The following TNPO1 variants were observed in gnomAD, a reference collection of about 807,000 sequenced individuals.
TNPO1 encodes transportin-1.
TNPO1 carries 8 observed loss-of-function variants against 119.5 expected under a neutral mutation model. The observed-to-expected ratio is 0.07, with a 90% confidence interval of 0.04 to 0.12. The LOEUF is 0.12. Among genes scored for constraint, TNPO1 ranks in the 10% least tolerant of loss-of-function variants. The probability of loss-of-function intolerance (pLI) is 1.00; values close to 1 mark genes in which losing one functional copy is unlikely to be tolerated. For missense variants in TNPO1, 576 were observed against 1,089.8 expected, an observed-to-expected ratio of 0.53 and a Z score of 6.64; for synonymous variants, 362 against 363.0, an observed-to-expected ratio of 1.00 and a Z score of 0.03.
Position 72,893,250 on chromosome 5 carries a change from A to AT in TNPO1, c.1896+11dup. The stretch of plus-strand genomic sequence containing the variant: ...GAAGACTCTTGCACAAGCCATGGTA[A>AT]TTTTTTTAAAATGTCTTCCTCTTCT... On this transcript the variant is annotated splice_donor_region_variant and intron_variant, in intron 16 of 24. Coordinates refer to ENST00000337273, the MANE Select transcript of TNPO1 (RefSeq NM_002270.4). 5 of 1,611,968 alleles carry AT rather than the reference A, an allele frequency of 3.1e-6. No homozygotes were observed. Among genetic ancestry groups the AT allele is most frequent in the African/African-American group, 1.3e-5 (1 of 74,812 alleles).
chr5:72,816,864 C>A, intron 1 of TNPO1, 112 bp downstream of exon 1: 1 of 1,335,440 alleles, frequency 7.5e-7, no homozygotes, highest in Non-Finnish European at 1.0e-6. Context: ...CCCGCTCTCT[C>A]GGCGCCTGCC....
chr5:72,903,683 TA>T, intron 22 of TNPO1, 25 bp from the exon 23 acceptor site: 1 of 1,518,584 alleles, frequency 6.6e-7, no homozygotes, highest in Non-Finnish European at 9.1e-7. Context: ...AATATCAACC[TA>T]AGATGTATTT....
chr5:72,901,086 C>A lies in TNPO1; in HGVS notation c.2514+13C>A. The A allele has an allele frequency of 6.4e-7, 1 of 1,557,032 alleles. No homozygotes were observed. The highest frequency in any genetic ancestry group is 8.7e-7 in the Non-Finnish European group (1 of 1,145,114). Reference sequence around the variant, plus strand: ...TGGCGTAATCCAAGTAAGATGTTCACAAAGATTTGTTTTTAATGTCTAATT... The same window carrying A: ...TGGCGTAATCCAAGTAAGATGTTCAAAAAGATTTGTTTTTAATGTCTAATT... On this transcript the variant is annotated intron_variant, in intron 22 of 24. Coordinates refer to ENST00000337273, the MANE Select transcript of TNPO1 (RefSeq NM_002270.4).
At position 72,893,778 on chromosome 5, in the gene TNPO1, T is replaced by G. The variant is rs906746069; in HGVS notation, c.2143+75T>G. 13 of 1,312,016 alleles carry G rather than the reference T, an allele frequency of 9.9e-6. No individual in the cohort carries two copies. The African/African-American group carries it at 1.5e-4, about 15-fold the overall frequency. 81.3% of individuals were successfully genotyped at this position (1,312,016 alleles called of 1,614,324 possible). ...TACATCAGCTTTGTTTTTTTATTAT[T>G]AAACTGAAATTGCATGGAATCCCAA... On this transcript the variant is annotated intron_variant, in intron 18 of 24. Transcript: ENST00000337273.
At chr5:72,843,471 GTA>G (rs1431371888) in intron 1 of TNPO1, among the ~76,000 whole-genome samples, 2 of 151,828 alleles carry the variant, frequency 1.3e-5, no homozygotes, top group African/African-American at 4.8e-5. Flanking sequence ...GCACACACCT[GTA>G]ATCCCAGCTA....
chr5:72,853,696 T>C (rs945713624), intron 3 of TNPO1, among the ~76,000 whole-genome samples: 2 of 152,090 alleles, frequency 1.3e-5, no homozygotes, highest in African/African-American at 2.4e-5. Context: ...GACACAAGTT[T>C]GCTGCATGTA....
In TNPO1 at chr5:72,848,014, T is replaced by C. The variant is rs558703533; in HGVS notation, c.16-371T>C. ...TTTTTATTAGCCCTTAAGTCAGTAG[T>C]AATCTGGACGGAATTAGAGATGGGT... is the stretch of plus-strand genomic sequence containing the variant. On this transcript the variant is annotated intron_variant, in intron 1 of 24. Transcript: ENST00000337273. 9.2e-6 allele frequency: 9 copies of C among 977,238 alleles called. No individual in the cohort carries two copies. In the East Asian group the frequency reaches 8.0e-4, roughly 87 times the overall value. The allele number at this position is 977,238 out of a possible 1,614,324, so 60.5% of individuals were successfully genotyped here.
intron 6 of TNPO1, among the ~76,000 whole-genome samples, chr5:72,867,748 A>G (rs377105721): frequency 1.3e-5 from 2 of 152,198 alleles, no homozygotes; most frequent in African/African-American, 4.8e-5. Context: ...AGTTTTTAGC[A>G]TTGTAAGAAC....
intron 4 of TNPO1, among the ~76,000 whole-genome samples, chr5:72,857,430 C>T (rs1188027076): frequency 1.3e-5 from 2 of 152,150 alleles, no homozygotes; most frequent in Non-Finnish European, 2.9e-5. Flanking sequence ...TTAAACAGTG[C>T]CATCATTGAC....
At chr5:72,851,341 A>G (rs1339342582) in intron 3 of TNPO1, 22 bp downstream of exon 3, 5 of 1,381,224 alleles carry the variant, frequency 3.6e-6, no homozygotes, top group Non-Finnish European at 4.1e-6. Context: ...TTGTATTGAT[A>G]ACTATTTAAA....
At position 72,848,489 on chromosome 5, in the gene TNPO1, C is replaced by T; in HGVS notation, c.120C>T (p.Thr40=). Residue 40 remains threonine, a synonymous_variant, in exon 2 of 25, where the codon ACC becomes ACT. Coordinates refer to ENST00000337273, the MANE Select transcript of TNPO1 (RefSeq NM_002270.4). ...SQSPDTTIQR[T]VQQKLEQLNQ... ...CCCCAGACACCACCATCCAGAGAAC[C>T]GTGCAACAAGTATCCTTTCCGAGGC... The T allele has an allele frequency of 6.3e-7, 1 of 1,598,404 alleles. No individual in the cohort carries two copies. The highest frequency in any genetic ancestry group is 2.3e-5 in the East Asian group (1 of 43,224).
At chr5:72,883,358 G>A (rs1748389645) in intron 11 of TNPO1, 126 bp downstream of exon 11, 3 of 630,072 alleles carry the variant, frequency 4.8e-6, no homozygotes, top group Non-Finnish European at 8.7e-6. Flanking sequence ...TATATTCAGA[G>A]AGCTGTTCAA....
intron 4 of TNPO1, among the ~76,000 whole-genome samples, chr5:72,857,750 T>C (rs1032349955): frequency 6.6e-6 from 1 of 152,220 alleles, no homozygotes; most frequent in Non-Finnish European, 1.5e-5. Context: ...TATAAACCTA[T>C]CTTTAAGTGC....
In TNPO1 at chr5:72,906,542, G is replaced by A. The variant is rs528335681; in HGVS notation, c.*35+1097G>A. Among the ~76,000 whole-genome samples the A allele has an allele frequency of 7.2e-5, 11 of 151,956 alleles. No individual in the cohort carries two copies. The South Asian group carries it at 1.2e-3, about 17-fold the overall frequency. ...CCTGACCTTGTGATGCACCCACCTCGGCCTCCCAAAGTGCTGGGATTTACA... is the reference window on the plus strand; with the variant it reads ...CCTGACCTTGTGATGCACCCACCTCAGCCTCCCAAAGTGCTGGGATTTACA... On this transcript the variant is annotated intron_variant, in intron 24 of 24. Coordinates refer to ENST00000337273, the MANE Select transcript of TNPO1 (RefSeq NM_002270.4).
rs1750637295 is a variant in TNPO1 at position 72,912,582 on chromosome 5, T to C, written c.*3909T>C. 1 of 152,478 alleles carries C rather than the reference T, an allele frequency of 6.6e-6. No individual in the cohort carries two copies. 9.4% of individuals were successfully genotyped at this position (152,478 alleles called of 1,614,324 possible). On this transcript the variant is annotated 3_prime_UTR_variant, in exon 25 of 25. Coordinates refer to ENST00000337273, the MANE Select transcript of TNPO1 (RefSeq NM_002270.4). ...CCATTTAGTCTGATTTTTTTCCTAATATTCTAGCAGGCTGGGGTGGTATAA... is the reference window on the plus strand; with the variant it reads ...CCATTTAGTCTGATTTTTTTCCTAACATTCTAGCAGGCTGGGGTGGTATAA...
At chr5:72,898,186 A>G (rs1380919527) in intron 20 of TNPO1, among the ~76,000 whole-genome samples, 1 of 152,156 alleles carries the variant, frequency 6.6e-6, no homozygotes, top group African/African-American at 2.4e-5. Flanking sequence ...GTACCTATAC[A>G]TGACATTCAG....
chr5:72,849,401 AAGTT>A (rs1413446186), intron 2 of TNPO1, among the ~76,000 whole-genome samples: 2 of 152,196 alleles, frequency 1.3e-5, no homozygotes, highest in African/African-American at 4.8e-5. Flanking sequence ...AAGCCTAAAG[AAGTT>A]AGTTAAGTCT....
At chr5:72,819,949 T>C (rs1313669601) in intron 1 of TNPO1, among the ~76,000 whole-genome samples, 1 of 152,218 alleles carries the variant, frequency 6.6e-6, no homozygotes, top group Non-Finnish European at 1.5e-5. Context: ...TCATTATCAC[T>C]GTTAATTATT....
chr5:72,833,600 A>G (rs1216475088), intron 1 of TNPO1, among the ~76,000 whole-genome samples: 1 of 152,184 alleles, frequency 6.6e-6, no homozygotes, highest in African/African-American at 2.4e-5. Flanking sequence ...TAATATCTCT[A>G]TTTGTAAGAC....
Sources: allele counts gnomAD v4.1 joint callset (sites outside exome capture counted in the v4.1 genomes callset), GRCh38; gene constraint gnomAD v4.1.1; transcripts MANE v1.5; gene names NCBI Gene and HGNC (gene_info 2026-07-23, HGNC 2026-07-21).